Variants in EEIG2 observed in about 807,000 individuals in gnomAD.
The protein encoded by EEIG2 is EEIG family member 2.
At chr1:108,614,096 A>G in the EEIG2 span, among the ~76,000 whole-genome samples, 1 of 150,558 alleles carries the variant, frequency 6.6e-6, no homozygotes, top group Non-Finnish European at 1.5e-5. Flanking sequence ...CCCACTATCC[A>G]TCAGCCCTGA....
At chr1:108,567,789 G>C in the EEIG2 span, among the ~76,000 whole-genome samples, 2 of 152,110 alleles carry the variant, frequency 1.3e-5, no homozygotes, top group Non-Finnish European at 2.9e-5. Context: ...CTTGAGCCCA[G>C]AAATTCAAGA....
At chr1:108,562,867 C>T in the EEIG2 span, among the ~76,000 whole-genome samples, 12 of 151,930 alleles carry the variant, frequency 7.9e-5, no homozygotes, top group Admixed American at 2.6e-4. Flanking sequence ...AAAAGAAAAT[C>T]TGAAATATCT....
the EEIG2 span, chr1:108,560,598 C>T: frequency 6.2e-7 from 1 of 1,600,106 alleles, no homozygotes; most frequent in East Asian, 2.2e-5. Flanking sequence ...TCGCCCCTTT[C>T]TGCTTGGCCA....
the EEIG2 span, among the ~76,000 whole-genome samples, chr1:108,603,281 G>A: frequency 2.6e-5 from 4 of 152,218 alleles, no homozygotes; most frequent in African/African-American, 9.6e-5. Context: ...GAGCAGCGAA[G>A]ACACTGAGTT....
chr1:108,630,316 A>G, the EEIG2 span, among the ~76,000 whole-genome samples: 6 of 152,326 alleles, frequency 3.9e-5, no homozygotes, highest in South Asian at 4.1e-4. Context: ...TCAGCAAACT[A>G]TCGCAAGGAC....
At chr1:108,628,718 G>T in the EEIG2 span, 4 of 1,613,270 alleles carry the variant, frequency 2.5e-6, no homozygotes, top group Non-Finnish European at 3.4e-6. Flanking sequence ...CAGCTGAAGC[G>T]AGTTGATGAC....
At chr1:108,623,989 A>G in the EEIG2 span, among the ~76,000 whole-genome samples, 1 of 152,160 alleles carries the variant, frequency 6.6e-6, no homozygotes, top group Non-Finnish European at 1.5e-5. Flanking sequence ...TTTAAAGAAA[A>G]AAAAAACTGT....
the EEIG2 span, among the ~76,000 whole-genome samples, chr1:108,589,402 C>G: frequency 6.6e-6 from 1 of 152,196 alleles, no homozygotes; most frequent in African/African-American, 2.4e-5. Flanking sequence ...TGTTCCCTGT[C>G]TCTGCTCCTC....
At chr1:108,596,295 A>G in the EEIG2 span, among the ~76,000 whole-genome samples, 2 of 152,204 alleles carry the variant, frequency 1.3e-5, no homozygotes, top group South Asian at 2.1e-4. Flanking sequence ...TAACAAAGTC[A>G]TAAATACTAA....
chr1:108,579,833 G>A, the EEIG2 span, among the ~76,000 whole-genome samples: 4 of 124,200 alleles, frequency 3.2e-5, no homozygotes, highest in African/African-American at 2.8e-5. Context: ...GCTGCAGTGC[G>A]ATGATGCATT....
At chr1:108,585,377 TAG>T in the EEIG2 span, among the ~76,000 whole-genome samples, 1 of 152,288 alleles carries the variant, frequency 6.6e-6, no homozygotes, top group East Asian at 1.9e-4. Flanking sequence ...AACTGTTTGT[TAG>T]AGTTTCTCTA....
chr1:108,567,512 C>T, the EEIG2 span, among the ~76,000 whole-genome samples: 1 of 152,258 alleles, frequency 6.6e-6, no homozygotes, highest in African/African-American at 2.4e-5. Flanking sequence ...CTAAATTCTA[C>T]TGCCTTTCAG....
the EEIG2 span, among the ~76,000 whole-genome samples, chr1:108,566,251 TACAATAA>T: frequency 6.6e-6 from 1 of 152,176 alleles, no homozygotes. Flanking sequence ...ATAAATAAAC[TACAATAA>T]ACATCCTTAT....
chr1:108,560,122 AGGC>A, the EEIG2 span: 156 of 173,748 alleles, frequency 9.0e-4, no homozygotes, highest in East Asian at 1.5e-3. Flanking sequence ...GCGGCGGCGG[AGGC>A]GGCGGCGGCG....
the EEIG2 span, among the ~76,000 whole-genome samples, chr1:108,614,610 A>G: frequency 6.6e-6 from 1 of 152,098 alleles, no homozygotes; most frequent in South Asian, 2.1e-4. Flanking sequence ...GTCTCCTGTT[A>G]CAATGGATGG....
chr1:108,613,376 C>T, the EEIG2 span, among the ~76,000 whole-genome samples: 1 of 152,168 alleles, frequency 6.6e-6, no homozygotes, highest in Non-Finnish European at 1.5e-5. Flanking sequence ...TAGTCAGTGG[C>T]AGAGCTGGGA....
At chr1:108,594,355 T>A in the EEIG2 span, among the ~76,000 whole-genome samples, 1 of 152,210 alleles carries the variant, frequency 6.6e-6, no homozygotes, top group African/African-American at 2.4e-5. Context: ...TACTTACTCA[T>A]GAGCAGTTTC....
chr1:108,613,844 T>A, the EEIG2 span, among the ~76,000 whole-genome samples: 1 of 152,126 alleles, frequency 6.6e-6, no homozygotes, highest in African/African-American at 2.4e-5. Flanking sequence ...TCCTGATAGC[T>A]GATCTTCTAT....
At chr1:108,587,175 A>G in the EEIG2 span, among the ~76,000 whole-genome samples, 4 of 152,110 alleles carry the variant, frequency 2.6e-5, no homozygotes, top group Admixed American at 2.6e-4. Flanking sequence ...TTGTGAAGTT[A>G]TTTATTCCCT....
Sources: gnomAD v4.1 joint callset for allele counts (sites outside exome capture counted in the v4.1 genomes callset) on GRCh38, gnomAD v4.1.1 for gene constraint, MANE v1.5 for transcripts, NCBI Gene and HGNC (gene_info 2026-07-23, HGNC 2026-07-21) for gene names.